Variants in OPCML observed in about 807,000 individuals in gnomAD.
OPCML encodes the protein opioid-binding protein/cell adhesion molecule.
OPCML carries 13 observed loss-of-function variants against 37.8 expected under a neutral mutation model. The observed-to-expected ratio is 0.34, with a 90% CI of 0.22 to 0.55. The LOEUF (loss-of-function observed/expected upper bound fraction) is 0.55. Ranked by LOEUF, OPCML falls within the 20% of genes least tolerant of loss-of-function variation. OPCML has a pLI of 0.91. For missense variants in OPCML, 341 were observed against 435.6 expected (o/e 0.78, Z 1.93); for synonymous variants, 176 against 168.8 (o/e 1.04, Z -0.33).
At chr11:133,141,871 C>A (rs1949828562) in intron 1 of OPCML, among the ~76,000 whole-genome samples, 1 of 152,156 alleles carries the variant, frequency 6.6e-6, no homozygotes. Flanking sequence ...AAATCTGATC[C>A]ATTCTTCCTT....
At chr11:133,261,088 T>A (rs548965161) in intron 1 of OPCML, among the ~76,000 whole-genome samples, 1 of 152,290 alleles carries the variant, frequency 6.6e-6, no homozygotes, top group South Asian at 2.1e-4. Flanking sequence ...TCAGAAACTA[T>A]CTTCTTACTT....
chr11:133,421,033 T>A, intron 1 of OPCML: 1 of 985,302 alleles, frequency 1.0e-6, no homozygotes, highest in Non-Finnish European at 1.2e-6. Context: ...AATCATGGGG[T>A]GTAGATTTTG....
intron 2 of OPCML, among the ~76,000 whole-genome samples, chr11:132,764,179 G>A (rs772857842): frequency 1.7e-4 from 26 of 152,214 alleles, no homozygotes; most frequent in Non-Finnish European, 2.6e-4. Context: ...TACCAGCTCC[G>A]CTGTGGTCAT....
chr11:133,491,139 T>C (rs973825766), intron 1 of OPCML, among the ~76,000 whole-genome samples: 2 of 152,232 alleles, frequency 1.3e-5, no homozygotes, highest in Non-Finnish European at 2.9e-5. Context: ...GGGTAAGGTC[T>C]GTGCAGTGTC....
At chr11:132,818,376 C>T (rs1031362173) in intron 2 of OPCML, among the ~76,000 whole-genome samples, 41 of 152,046 alleles carry the variant, frequency 2.7e-4, no homozygotes, top group Admixed American at 2.4e-3. Flanking sequence ...CCCTCCGTAA[C>T]GTGGGTGGAC....
intron 1 of OPCML, among the ~76,000 whole-genome samples, chr11:133,053,001 A>G (rs1948159276): frequency 1.3e-5 from 2 of 152,214 alleles, no homozygotes; most frequent in Admixed American, 6.5e-5. Context: ...TTGAGGTGGT[A>G]TTCTATTCAT....
chr11:133,296,807 T>C (rs1942643124), intron 1 of OPCML, among the ~76,000 whole-genome samples: 1 of 152,238 alleles, frequency 6.6e-6, no homozygotes, highest in Non-Finnish European at 1.5e-5. Context: ...ATTATTATAA[T>C]TCACTTAGAT....
At chr11:133,042,271 G>T (rs1331508852) in intron 1 of OPCML, among the ~76,000 whole-genome samples, 1 of 152,190 alleles carries the variant, frequency 6.6e-6, no homozygotes, top group African/African-American at 2.4e-5. Context: ...AATTAGAAAG[G>T]GTCCTGGGAG....
At chr11:132,572,470 G>A (rs546894002) in intron 3 of OPCML, among the ~76,000 whole-genome samples, 1 of 152,074 alleles carries the variant, frequency 6.6e-6, no homozygotes, top group African/African-American at 2.4e-5. Flanking sequence ...TTCTATATGT[G>A]GATATCCAGT....
intron 2 of OPCML, among the ~76,000 whole-genome samples, chr11:132,931,734 A>G (rs2136632273): frequency 6.6e-6 from 1 of 152,372 alleles, no homozygotes; most frequent in African/African-American, 2.4e-5. Context: ...CTCTACCACT[A>G]TGAAAACTGC....
At chr11:132,728,130 G>A (rs1374931079) in intron 2 of OPCML, among the ~76,000 whole-genome samples, 1 of 152,228 alleles carries the variant, frequency 6.6e-6, no homozygotes, top group Non-Finnish European at 1.5e-5. Flanking sequence ...AACAAGCAGG[G>A]CTGCTCCATG....
chr11:133,243,588 A>G (rs1042007609), intron 1 of OPCML, among the ~76,000 whole-genome samples: 7 of 152,214 alleles, frequency 4.6e-5, no homozygotes, highest in Admixed American at 2.0e-4. Context: ...AGGCAGAGAA[A>G]GTCAGAGCTG....
chr11:132,904,239 A>T (rs923301628), intron 2 of OPCML, among the ~76,000 whole-genome samples: 3 of 152,224 alleles, frequency 2.0e-5, no homozygotes, highest in African/African-American at 7.2e-5. Flanking sequence ...TTAATACAGC[A>T]CAAACAACAC....
intron 1 of OPCML, among the ~76,000 whole-genome samples, chr11:133,229,129 T>A (rs1361559640): frequency 6.6e-6 from 1 of 152,198 alleles, no homozygotes; most frequent in African/African-American, 2.4e-5. Flanking sequence ...GAGAGCCAGC[T>A]GGGCCTGTTT....
At chr11:132,702,679 T>C (rs566730544) in intron 2 of OPCML, among the ~76,000 whole-genome samples, 2 of 152,162 alleles carry the variant, frequency 1.3e-5, no homozygotes, top group Non-Finnish European at 2.9e-5. Flanking sequence ...TTGCTCCTTC[T>C]GGAACACCTA....
chr11:133,345,158 T>C (rs1943967884), intron 1 of OPCML, among the ~76,000 whole-genome samples: 1 of 152,182 alleles, frequency 6.6e-6, no homozygotes, highest in Non-Finnish European at 1.5e-5. Flanking sequence ...CAAGCAGTGC[T>C]GCCATCGCAT....
intron 1 of OPCML, chr11:133,118,487 G>A: frequency 3.4e-6 from 3 of 876,886 alleles, no homozygotes; most frequent in Non-Finnish European, 4.1e-6. Context: ...CCTCCATTTG[G>A]TCAAGGAGAC....
chr11:132,962,849 C>T (rs2136727882), intron 1 of OPCML, among the ~76,000 whole-genome samples: 2 of 152,262 alleles, frequency 1.3e-5, no homozygotes, highest in South Asian at 4.1e-4. Flanking sequence ...AGGAGCTCTC[C>T]AACTTAGCTT....
chr11:133,217,954 G>T (rs1190149091), intron 1 of OPCML, among the ~76,000 whole-genome samples: 1 of 151,954 alleles, frequency 6.6e-6, no homozygotes, highest in Non-Finnish European at 1.5e-5. Flanking sequence ...GCTGAGCGGG[G>T]AGGATGGTTT....
Sources: gnomAD v4.1 joint callset for allele counts (sites outside exome capture counted in the v4.1 genomes callset) on GRCh38, gnomAD v4.1.1 for gene constraint, MANE v1.5 for transcripts, NCBI Gene and HGNC (gene_info 2026-07-23, HGNC 2026-07-21) for gene names.